TBC1D23: variants seen among roughly 807,000 people sequenced by gnomAD.
TBC1D23 encodes the protein TBC1 domain family member 23, also known as HCV non-structural protein 4A-transactivated protein 1.
In TBC1D23, 55 loss-of-function variants were observed where a neutral mutation model predicts 91.4. The observed-to-expected ratio is 0.60, with a 90% confidence interval of 0.48 to 0.75. TBC1D23 has a LOEUF of 0.75. Ranked by LOEUF, TBC1D23 falls within the 30% of genes least tolerant of loss-of-function variation. The probability of loss-of-function intolerance (pLI) is 0.00; values close to 1 mark genes in which losing one functional copy is unlikely to be tolerated. For missense variants in TBC1D23, 725 were observed against 836.1 expected (o/e 0.87, Z 1.64); for synonymous variants, 289 against 281.0 (o/e 1.03, Z -0.28).
At chr3:100,303,483 G>C (rs568450137) in intron 11 of TBC1D23, among the ~76,000 whole-genome samples, 1 of 152,148 alleles carries the variant, frequency 6.6e-6, no homozygotes, top group Admixed American at 6.6e-5. Flanking sequence ...CTCTAAAAAT[G>C]CTTCAGGCCA....
Position 100,316,207 on chromosome 3 carries a change from T to C in TBC1D23, c.1687+20T>C. 6.4e-7 allele frequency: 1 copy of C among 1,567,266 alleles called. No individual in the cohort carries two copies. Among genetic ancestry groups the C allele is most frequent in the South Asian group, 1.1e-5 (1 of 90,138 alleles). On this transcript the variant is annotated intron_variant, in intron 16 of 18. Transcript: ENST00000394144. ...ACACAGGTGTAGTAATACACTTAGC[T>C]ACAGACAGCTTTGCTGTCATTAGGA...
chr3:100,306,921 T>C (rs1705526952), intron 13 of TBC1D23, among the ~76,000 whole-genome samples: 1 of 152,170 alleles, frequency 6.6e-6, no homozygotes, highest in African/African-American at 2.4e-5. Flanking sequence ...ATTCCAGGCA[T>C]CTCCCAGTTA....
At chr3:100,297,185 T>A (rs978995423) in intron 8 of TBC1D23, among the ~76,000 whole-genome samples, 2 of 152,126 alleles carry the variant, frequency 1.3e-5, no homozygotes, top group African/African-American at 2.4e-5. Flanking sequence ...CCTTTTTTTT[T>A]AAAGCATTCT....
intron 8 of TBC1D23, among the ~76,000 whole-genome samples, chr3:100,296,808 TGAG>T (rs1459633396): frequency 6.8e-6 from 1 of 146,206 alleles, no homozygotes; most frequent in Non-Finnish European, 1.5e-5. Context: ...TGCAGTGAGC[TGAG>T]ATTGTGCCAC....
intron 14 of TBC1D23, among the ~76,000 whole-genome samples, chr3:100,311,199 G>A (rs962688081): frequency 6.6e-6 from 1 of 152,076 alleles, no homozygotes; most frequent in Non-Finnish European, 1.5e-5. Context: ...TTTGTTTTAA[G>A]GAAGCCTCAT....
rs1705847944 is a variant in TBC1D23, at chr3:100,320,977, A to AT, written c.2018+10dup. 4 of 1,578,556 alleles carry AT rather than the reference A, an allele frequency of 2.5e-6. No individual in the cohort carries two copies. Among genetic ancestry groups the AT allele is most frequent in the Non-Finnish European group, 3.4e-6 (4 of 1,159,640 alleles). ...GAAATCTTGGCAATCGAAAGGTAAG[A>AT]TTTTCCTTAAGATAATATTATCTGA... is the stretch of plus-strand genomic sequence containing the variant. On this transcript the variant is annotated splice_region_variant and intron_variant, in intron 18 of 18. Coordinates refer to ENST00000394144, the MANE Select transcript of TBC1D23 (RefSeq NM_001199198.3).
chr3:100,285,152 T>G (rs898581142), intron 4 of TBC1D23, among the ~76,000 whole-genome samples: 6 of 152,220 alleles, frequency 3.9e-5, no homozygotes, highest in Non-Finnish European at 8.8e-5. Context: ...TTCCATAAAA[T>G]TCACCATTTT....
intron 3 of TBC1D23, among the ~76,000 whole-genome samples, chr3:100,283,304 G>A (rs1487344566): frequency 2.0e-5 from 3 of 152,000 alleles, no homozygotes; most frequent in African/African-American, 7.3e-5. Flanking sequence ...AAATCGGGAG[G>A]TGGAGGTTGC....
chr3:100,281,650 T>A, intron 2 of TBC1D23, 92 bp from the exon 3 acceptor site: 1 of 757,774 alleles, frequency 1.3e-6, no homozygotes, highest in Non-Finnish European at 2.3e-6. Context: ...TTTGTTATTA[T>A]TTTTAAATTC....
chr3:100,267,741 G>A lies in TBC1D23; in HGVS notation c.53+6670G>A, dbSNP rs544616228. On this transcript the variant is annotated intron_variant, in intron 1 of 18. Coordinates refer to ENST00000394144, the MANE Select transcript of TBC1D23 (RefSeq NM_001199198.3). Reference sequence around the variant, plus strand: ...GTTTCAGATTTTGGAGCATTTCGGAGTTGGGATTCTTGGATTTGGGATGCT... The same window carrying A: ...GTTTCAGATTTTGGAGCATTTCGGAATTGGGATTCTTGGATTTGGGATGCT... Among the ~76,000 whole-genome samples, 105 of 152,322 alleles carry A rather than the reference G, an allele frequency of 6.9e-4. 1 individual carries two copies. Among genetic ancestry groups the A allele is most frequent in the African/African-American group, 2.4e-3 (99 of 41,574 alleles).
chr3:100,300,834 C>T (rs1406912314), intron 10 of TBC1D23, among the ~76,000 whole-genome samples: 1 of 152,050 alleles, frequency 6.6e-6, no homozygotes, highest in East Asian at 1.9e-4. Context: ...ATATTATCAG[C>T]TTACGTAATC....
intron 13 of TBC1D23, 27 bp downstream of exon 13, chr3:100,306,570 C>A: frequency 7.2e-7 from 1 of 1,395,018 alleles, no homozygotes; most frequent in East Asian, 2.3e-5. Flanking sequence ...AATATGTTAC[C>A]GGATTTGGAT....
Position 100,262,666 on chromosome 3 carries a change from A to G in TBC1D23, c.53+1595A>G, listed in dbSNP as rs1337476510. Among the ~76,000 whole-genome samples, 4 of 128,768 alleles carry G rather than the reference A, an allele frequency of 3.1e-5. No homozygotes were observed. In the Admixed American group the frequency reaches 4.1e-4, roughly 13 times the overall value. The allele number at this position is 128,768 out of a possible 152,430, so 84.5% of individuals were successfully genotyped here. ...CTTGAACCCGGGAGGCAGAGGTTGCAGTGAGCCGAGATCGAGCCACTACTG... is the reference window on the plus strand; with the variant it reads ...CTTGAACCCGGGAGGCAGAGGTTGCGGTGAGCCGAGATCGAGCCACTACTG... On this transcript the variant is annotated intron_variant, in intron 1 of 18. Transcript: ENST00000394144.
intron 16 of TBC1D23, among the ~76,000 whole-genome samples, chr3:100,316,813 C>A (rs1433212820): frequency 6.6e-6 from 1 of 151,984 alleles, no homozygotes; most frequent in African/African-American, 2.4e-5. Context: ...ATAATTTAGG[C>A]CGGGCGCGGT....
Position 100,278,859 on chromosome 3 carries a change from C to A in TBC1D23, c.54-790C>A, listed in dbSNP as rs141158459. 5.9e-4 allele frequency among the ~76,000 whole-genome samples: 90 copies of A among 152,260 alleles called. 2 individuals carry two copies. The highest frequency in any genetic ancestry group is 2.1e-3 in the African/African-American group (88 of 41,550). On this transcript the variant is annotated intron_variant, in intron 1 of 18. Coordinates refer to ENST00000394144, the MANE Select transcript of TBC1D23 (RefSeq NM_001199198.3). ...ATTTACTTGATGATGTGATATTATT[C>A]TTTTGCTTTAATATACCAATAGATC...
At chr3:100,314,769 C>A (rs910204022) in intron 15 of TBC1D23, among the ~76,000 whole-genome samples, 1 of 152,100 alleles carries the variant, frequency 6.6e-6, no homozygotes, top group Non-Finnish European at 1.5e-5. Flanking sequence ...CGGAGTGAGA[C>A]CCTGGCTCTA....
intron 14 of TBC1D23, 110 bp downstream of exon 14, chr3:100,310,652 T>TGTCTTC (rs1705610103): frequency 1.2e-6 from 1 of 800,130 alleles, no homozygotes; most frequent in Non-Finnish European, 1.9e-6. Flanking sequence ...AAAAGGATTA[T>TGTCTTC]AAAGTATATT....
chr3:100,294,265 ATTT>A (rs775757936), intron 5 of TBC1D23, among the ~76,000 whole-genome samples: 1 of 143,528 alleles, frequency 7.0e-6, no homozygotes, highest in Non-Finnish European at 1.5e-5. Flanking sequence ...TTTTGTGTTT[ATTT>A]TTTTTTTTTT....
intron 1 of TBC1D23, chr3:100,279,434 C>T: frequency 8.3e-6 from 3 of 363,604 alleles, no homozygotes; most frequent in Non-Finnish European, 1.5e-5. Flanking sequence ...TAGGAAAAGA[C>T]AACCAAACTA....
Sources: gnomAD v4.1 joint callset for allele counts (sites outside exome capture counted in the v4.1 genomes callset) on GRCh38, gnomAD v4.1.1 for gene constraint, MANE v1.5 for transcripts, NCBI Gene and HGNC (gene_info 2026-07-23, HGNC 2026-07-21) for gene names.